ABCC9: variants seen among roughly 807,000 people sequenced by gnomAD.
The protein encoded by ABCC9 is ATP binding cassette subfamily C member 9.
ABCC9 carries 95 observed loss-of-function variants against 188.3 expected under a neutral mutation model. The observed-to-expected ratio is 0.50, with a 90% CI of 0.43 to 0.60. The LOEUF (loss-of-function observed/expected upper bound fraction) is 0.60. ABCC9 is among the 20% of genes least tolerant of loss of function. The pLI is 0.00. For missense variants in ABCC9, 1,102 were observed against 1,876.3 expected (o/e 0.59, Z 7.62); for synonymous variants, 659 against 652.7 (o/e 1.01, Z -0.15).
intron 19 of ABCC9, 79 bp from the exon 20 acceptor site, chr12:21,863,133 G>A (rs904951060): frequency 7.4e-6 from 7 of 947,040 alleles, no homozygotes; most frequent in South Asian, 1.5e-5. Context: ...CTATAAATAG[G>A]GGAAATAAAA....
chr12:21,824,783 G>T (rs1222696981), intron 31 of ABCC9, among the ~76,000 whole-genome samples: 2 of 152,152 alleles, frequency 1.3e-5, no homozygotes, highest in Non-Finnish European at 2.9e-5. Flanking sequence ...TTGCATAGAG[G>T]TGTTTATTGC....
chr12:21,902,526 A>T (rs914508431), intron 12 of ABCC9, among the ~76,000 whole-genome samples: 4 of 152,196 alleles, frequency 2.6e-5, no homozygotes, highest in African/African-American at 4.8e-5. Flanking sequence ...TTTTGAAAAG[A>T]TCAACAAAAT....
intron 16 of ABCC9, 97 bp from the exon 17 acceptor site, chr12:21,875,823 G>T: frequency 1.0e-6 from 1 of 960,536 alleles, no homozygotes; most frequent in Non-Finnish European, 1.6e-6. Context: ...AGTGGCTCAT[G>T]CCTGTAATCA....
intron 29 of ABCC9, 28 bp downstream of exon 29, chr12:21,842,285 GA>G (rs1392902053): frequency 6.2e-7 from 1 of 1,608,784 alleles, no homozygotes; most frequent in East Asian, 2.2e-5. Context: ...ATAAGCTTTT[GA>G]AAATGAGTGG....
At chr12:21,912,758 A>AT in intron 8 of ABCC9, 114 bp downstream of exon 8, 1 of 892,684 alleles carries the variant, frequency 1.1e-6, no homozygotes, top group Non-Finnish European at 1.6e-6. Context: ...AAAGCATTCA[A>AT]TTCTCTGAAA....
chr12:21,906,926 AC>A (rs981334326), intron 11 of ABCC9, among the ~76,000 whole-genome samples: 3 of 152,214 alleles, frequency 2.0e-5, no homozygotes, highest in African/African-American at 7.2e-5. Context: ...CAGATACGAA[AC>A]CTTCATTTTA....
intron 31 of ABCC9, among the ~76,000 whole-genome samples, chr12:21,827,656 A>G (rs1356280508): frequency 6.6e-6 from 1 of 152,008 alleles, no homozygotes; most frequent in Non-Finnish European, 1.5e-5. Context: ...TGGTTTTGTG[A>G]TAAATCCTAA....
At chr12:21,913,924 C>A (rs535081662) in intron 7 of ABCC9, among the ~76,000 whole-genome samples, 1 of 152,152 alleles carries the variant, frequency 6.6e-6, no homozygotes, top group East Asian at 1.9e-4. Flanking sequence ...GTTAACACAC[C>A]AAGTTCAAGC....
chr12:21,818,456 A>ATC (rs1942804945), intron 31 of ABCC9, among the ~76,000 whole-genome samples: 2 of 140,854 alleles, frequency 1.4e-5, no homozygotes, highest in African/African-American at 5.2e-5. Context: ...TGCTCTCACT[A>ATC]TATATATCTA....
At chr12:21,833,165 G>A (rs1399987468) in intron 30 of ABCC9, among the ~76,000 whole-genome samples, 1 of 152,054 alleles carries the variant, frequency 6.6e-6, no homozygotes, top group Non-Finnish European at 1.5e-5. Flanking sequence ...TACACATTAG[G>A]TACAATGTAC....
chr12:21,935,401 G>A (rs1949446892), intron 3 of ABCC9, among the ~76,000 whole-genome samples: 1 of 152,102 alleles, frequency 6.6e-6, no homozygotes, highest in Admixed American at 6.5e-5. Flanking sequence ...GTTGGCCTGT[G>A]TATATACCAT....
intron 30 of ABCC9, among the ~76,000 whole-genome samples, chr12:21,832,086 A>G (rs1052592917): frequency 5.3e-5 from 8 of 152,186 alleles, no homozygotes; most frequent in African/African-American, 1.9e-4. Flanking sequence ...TGTTTTCCTA[A>G]TGGAAACTTT....
At position 21,806,076 on chromosome 12, in the gene ABCC9, A is replaced by G; in HGVS notation, c.4450-16T>C. The G allele has an allele frequency of 6.3e-7, 1 of 1,588,900 alleles. No homozygotes were observed. The highest frequency in any genetic ancestry group is 8.6e-7 in the Non-Finnish European group (1 of 1,159,122). On this transcript the variant is annotated splice_polypyrimidine_tract_variant and intron_variant, in intron 38 of 39. Coordinates refer to ENST00000261200, the MANE Select transcript of ABCC9 (RefSeq NM_020297.4). The stretch of plus-strand genomic sequence containing the variant: ...AAATATTCTCCTGCAAAAAAAAAAA[A>G]GTGTAAATTTTCTCGGGATTACTTT...
intron 18 of ABCC9, among the ~76,000 whole-genome samples, chr12:21,865,286 T>C (rs1289390401): frequency 6.6e-6 from 1 of 152,150 alleles, no homozygotes; most frequent in Non-Finnish European, 1.5e-5. Context: ...CTAATTATGC[T>C]ACCTAATGAT....
chr12:21,805,190 A>T (rs748782303), intron 39 of ABCC9: 1 of 1,613,900 alleles, frequency 6.2e-7, no homozygotes, highest in East Asian at 2.2e-5. Context: ...GTTGGTCATC[A>T]CCAAAGTGGA....
At chr12:21,817,049 C>T in intron 33 of ABCC9, 138 bp downstream of exon 33, 1 of 939,772 alleles carries the variant, frequency 1.1e-6, no homozygotes, top group Admixed American at 2.0e-5. Flanking sequence ...TGTACATAAT[C>T]AAGCAAAGCC....
In ABCC9 at chr12:21,915,415, C is replaced by T. The variant is rs12821892; in HGVS notation, c.816+253G>A. 0.64 allele frequency among the ~76,000 whole-genome samples: 72,958 copies of T among 114,870 alleles called. 23,626 individuals carry two copies. The highest frequency in any genetic ancestry group is 0.82 in the East Asian group (3,382 of 4,142). 75.4% of individuals were successfully genotyped at this position (114,870 alleles called of 152,430 possible). ...GTATATATGTATGTGTATATAGACA[C>T]GTGTATATATGTGTGTATATATGTG... On this transcript the variant is annotated intron_variant, in intron 7 of 39. Transcript: ENST00000261200.
At chr12:21,901,179 C>A (rs1947729735) in intron 12 of ABCC9, among the ~76,000 whole-genome samples, 1 of 152,142 alleles carries the variant, frequency 6.6e-6, no homozygotes, top group African/African-American at 2.4e-5. Context: ...AATTTTCAAC[C>A]CAGAATTTCA....
chr12:21,847,190 G>GCA (rs1284467585), intron 25 of ABCC9, among the ~76,000 whole-genome samples: 1 of 152,054 alleles, frequency 6.6e-6, no homozygotes, highest in African/African-American at 2.4e-5. Flanking sequence ...CAAGCCAAGG[G>GCA]CACAGTCAGC....
Sources: allele counts gnomAD v4.1 joint callset (sites outside exome capture counted in the v4.1 genomes callset), GRCh38; gene constraint gnomAD v4.1.1; transcripts MANE v1.5; gene names NCBI Gene and HGNC (gene_info 2026-07-23, HGNC 2026-07-21).